WWOX: variants seen among roughly 807,000 people sequenced by gnomAD.
WWOX encodes WW domain-containing oxidoreductase.
A neutral mutation model predicts 46.2 loss-of-function variants in WWOX; 69 were observed. That is an observed-to-expected ratio of 1.49 (90% CI 1.23 to 1.82). WWOX has a LOEUF of 1.82. Among genes scored for constraint, WWOX ranks in the 40% most tolerant of loss-of-function variants. WWOX has a pLI of 0.00. For synonymous variants in WWOX, 359 were observed against 202.6 expected, an observed-to-expected ratio of 1.77 and a Z score of -6.56; for missense variants, 919 against 542.6, an observed-to-expected ratio of 1.69 and a Z score of -6.89.
intron 4 of WWOX, among the ~76,000 whole-genome samples, chr16:78,149,114 C>T (rs866807151): frequency 6.6e-6 from 1 of 151,906 alleles, no homozygotes; most frequent in Non-Finnish European, 1.5e-5. Context: ...GCCTTGGCCT[C>T]CTAAAGTGCT....
chr16:79,053,082 C>G lies in WWOX; in HGVS notation c.1057-158526C>G, dbSNP rs920555137. 1.8e-4 allele frequency among the ~76,000 whole-genome samples: 27 copies of G among 151,232 alleles called. No homozygotes were observed. In the Middle Eastern group the frequency reaches 0.01, roughly 57 times the overall value. On this transcript the variant is annotated intron_variant, in intron 8 of 8. Transcript: ENST00000566780. ...TAGATGCTCTTAGTTAAAGACCATGCAAAAAGGATGAAATCTTTTGATCAT... is the reference window on the plus strand; with the variant it reads ...TAGATGCTCTTAGTTAAAGACCATGGAAAAAGGATGAAATCTTTTGATCAT...
rs757597956 is a variant in WWOX at position 78,432,600 on chromosome 16, C to G, written c.904C>G (p.Leu302Val). The change falls in exon 8 of 9, where the codon CTC becomes GTC. Residue 302 changes from leucine to valine, a missense_variant. By Grantham distance (32) the Leu-to-Val change is conservative. Coordinates refer to ENST00000566780, the MANE Select transcript of WWOX (RefSeq NM_016373.4). The stretch of plus-strand genomic sequence containing the variant: ...TAACAGGTCCAAGCTCTGCAACATC[C>G]TCTTCTCCAACGAGCTGCACCGTCG... ...AYNRSKLCNI[L>V]FSNELHRRLS... is the part of the protein sequence containing the mutation. The G allele has an allele frequency of 6.8e-6, 11 of 1,614,112 alleles. No individual in the cohort carries two copies. The highest frequency in any genetic ancestry group is 1.3e-5 in the African/African-American group (1 of 74,934).
chr16:78,113,863 A>G (rs2032627157), intron 3 of WWOX, among the ~76,000 whole-genome samples: 1 of 152,112 alleles, frequency 6.6e-6, no homozygotes, highest in Non-Finnish European at 1.5e-5. Flanking sequence ...ATTAGAATAA[A>G]GGTTGGATTA....
intron 5 of WWOX, chr16:78,167,503 CAGAAAAA>C (rs1256766222): frequency 2.0e-5 from 3 of 152,106 alleles, no homozygotes; most frequent in African/African-American, 7.2e-5. Context: ...GTCGGGGACA[CAGAAAAA>C]GGAAAATGGA....
chr16:78,312,381 C>CATTTTTTTTTTT (rs2080263539), intron 5 of WWOX, among the ~76,000 whole-genome samples: 1 of 132,852 alleles, frequency 7.5e-6, no homozygotes, highest in East Asian at 2.5e-4. Context: ...AGGTCTAATT[C>CATTTTTTTTTTT]TTTTTTTTTT....
At chr16:79,201,277 C>T (rs889180620) in intron 8 of WWOX, among the ~76,000 whole-genome samples, 1 of 151,956 alleles carries the variant, frequency 6.6e-6, no homozygotes, top group African/African-American at 2.4e-5. Flanking sequence ...TTGATTCTCA[C>T]TTGATAGAGG....
chr16:78,363,073 T>G (rs2081446570), intron 5 of WWOX, among the ~76,000 whole-genome samples: 1 of 152,250 alleles, frequency 6.6e-6, no homozygotes, highest in African/African-American at 2.4e-5. Flanking sequence ...TATTCCACCA[T>G]AAAATCTTTT....
At chr16:78,985,779 A>C (rs1263745418) in intron 8 of WWOX, among the ~76,000 whole-genome samples, 5 of 44,338 alleles carry the variant, frequency 1.1e-4, no homozygotes, top group African/African-American at 1.7e-4. Flanking sequence ...AAAAAGAAAA[A>C]AAGAATAGGC....
intron 8 of WWOX, among the ~76,000 whole-genome samples, chr16:78,986,626 C>G (rs1597240971): frequency 6.6e-6 from 1 of 152,320 alleles, no homozygotes; most frequent in African/African-American, 2.4e-5. Context: ...ATCACTCATT[C>G]ATCAGTACTC....
At chr16:78,845,007 C>T (rs2052260518) in intron 8 of WWOX, among the ~76,000 whole-genome samples, 1 of 152,222 alleles carries the variant, frequency 6.6e-6, no homozygotes, top group South Asian at 2.1e-4. Flanking sequence ...TGTCTCCAAC[C>T]ATGCGGACAC....
intron 4 of WWOX, among the ~76,000 whole-genome samples, chr16:78,151,525 A>G (rs893205479): frequency 2.0e-5 from 3 of 152,204 alleles, no homozygotes; most frequent in African/African-American, 7.2e-5. Context: ...TAACACTCTG[A>G]AGTGCTCCTC....
In WWOX at chr16:78,932,027, C is replaced by T. The variant is rs112804816; in HGVS notation, c.1057-279581C>T. Among the ~76,000 whole-genome samples the T allele has an allele frequency of 4.4e-3, 675 of 152,284 alleles. 10 individuals are homozygous for T. The highest frequency in any genetic ancestry group is 0.015 in the African/African-American group (630 of 41,546). ...TGTTTGCTCCACATTGGCCTTCTGCCGTGATTGTGAGACTTTCCCAGCCAT... is the reference window on the plus strand; with the variant it reads ...TGTTTGCTCCACATTGGCCTTCTGCTGTGATTGTGAGACTTTCCCAGCCAT... On this transcript the variant is annotated intron_variant, in intron 8 of 8. Coordinates refer to ENST00000566780, the MANE Select transcript of WWOX (RefSeq NM_016373.4).
At chr16:78,684,754 C>G (rs1443285884) in intron 8 of WWOX, among the ~76,000 whole-genome samples, 1 of 152,200 alleles carries the variant, frequency 6.6e-6, no homozygotes, top group Non-Finnish European at 1.5e-5. Context: ...TCATACTGAA[C>G]TATGGAAGCA....
intron 8 of WWOX, among the ~76,000 whole-genome samples, chr16:79,076,798 T>A (rs892736184): frequency 6.6e-6 from 1 of 152,238 alleles, no homozygotes; most frequent in African/African-American, 2.4e-5. Flanking sequence ...ACCTAGCACA[T>A]AGGGTTATAA....
chr16:78,797,723 C>T (rs1021925587), intron 8 of WWOX, among the ~76,000 whole-genome samples: 1 of 152,206 alleles, frequency 6.6e-6, no homozygotes, highest in Admixed American at 6.5e-5. Flanking sequence ...TGCGTTAGGT[C>T]ATGCCTGTAA....
intron 8 of WWOX, among the ~76,000 whole-genome samples, chr16:79,099,040 GC>G (rs201666607): frequency 0.03 from 4,608 of 152,300 alleles, 112 homozygotes; most frequent in Non-Finnish European, 0.045. Context: ...CTGGCAGAAG[GC>G]AAAGAGAAGC....
chr16:78,608,487 C>T (rs2045818731), intron 8 of WWOX, among the ~76,000 whole-genome samples: 1 of 152,178 alleles, frequency 6.6e-6, no homozygotes, highest in Admixed American at 6.5e-5. Context: ...ACAGTGTTTT[C>T]CCTTTCAGCA....
intron 5 of WWOX, among the ~76,000 whole-genome samples, chr16:78,298,274 A>G (rs945911942): frequency 6.6e-6 from 1 of 152,170 alleles, no homozygotes; most frequent in Non-Finnish European, 1.5e-5. Context: ...AGACTGGGCC[A>G]TCTTTCTTAG....
intron 8 of WWOX, among the ~76,000 whole-genome samples, chr16:78,470,725 C>T (rs1250267193): frequency 6.6e-6 from 1 of 152,106 alleles, no homozygotes; most frequent in African/African-American, 2.4e-5. Flanking sequence ...ATGGGGGTTT[C>T]ACCATGTGGG....
Sources: gnomAD v4.1 joint callset for allele counts (sites outside exome capture counted in the v4.1 genomes callset) on GRCh38, gnomAD v4.1.1 for gene constraint, MANE v1.5 for transcripts, NCBI Gene and HGNC (gene_info 2026-07-23, HGNC 2026-07-21) for gene names.